The following AADAT variants were observed in gnomAD, a reference collection of about 807,000 sequenced individuals.
AADAT encodes the protein kynurenine/alpha-aminoadipate aminotransferase, mitochondrial.
Under a neutral mutation model 56.2 loss-of-function variants are expected in AADAT, and 25 were observed. The ratio of observed to expected loss-of-function variants is 0.44; its 90% CI spans 0.32 to 0.62. The LOEUF is 0.62. AADAT is among the 20% of genes least tolerant of loss of function. The pLI, the probability that AADAT is intolerant of heterozygous loss-of-function variation, is 0.04. For missense variants in AADAT, 387 were observed against 510.5 expected, an observed-to-expected ratio of 0.76 and a Z score of 2.33; for synonymous variants, 173 against 164.7, an observed-to-expected ratio of 1.05 and a Z score of -0.39.
At chr4:170,069,653 G>A (rs558994677) in intron 6 of AADAT, among the ~76,000 whole-genome samples, 1 of 152,216 alleles carries the variant, frequency 6.6e-6, no homozygotes, top group South Asian at 2.1e-4. Flanking sequence ...CCTTAGGACC[G>A]ACAGAAAGAA....
In AADAT at chr4:170,089,882, C is replaced by A; in HGVS notation, c.-192G>T. Reference sequence around the variant, plus strand: ...GCCGAAACTCCCCGGCTGGACGCTGCGTTCGGTCTCCCGGTCCTAAACGGG... The same window carrying A: ...GCCGAAACTCCCCGGCTGGACGCTGAGTTCGGTCTCCCGGTCCTAAACGGG... On this transcript the variant is annotated 5_prime_UTR_variant, in exon 1 of 13. Coordinates refer to ENST00000337664, the MANE Select transcript of AADAT (RefSeq NM_016228.4). 3.3e-6 allele frequency: 2 copies of A among 607,538 alleles called. No individual in the cohort carries two copies. Among genetic ancestry groups the A allele is most frequent in the Non-Finnish European group, 5.9e-6 (2 of 341,618 alleles). 37.6% of individuals were successfully genotyped at this position (607,538 alleles called of 1,614,324 possible). A position where few individuals can be genotyped will look rare whatever the true frequency, so the allele number is the denominator to read the frequency against.
chr4:170,064,491 T>C (rs1288573587), intron 11 of AADAT, among the ~76,000 whole-genome samples: 1 of 152,230 alleles, frequency 6.6e-6, no homozygotes, highest in African/African-American at 2.4e-5. Context: ...CGCTAATCAG[T>C]AGCTGAGATG....
chr4:170,067,279 A>G (rs777318338), intron 9 of AADAT, 48 bp downstream of exon 9: 1 of 1,411,524 alleles, frequency 7.1e-7, no homozygotes, highest in Admixed American at 1.7e-5. Context: ...TACTATGTTC[A>G]CTGGGCTCCT....
intron 4 of AADAT, among the ~76,000 whole-genome samples, chr4:170,076,909 G>C (rs1561019266): frequency 6.6e-6 from 1 of 152,126 alleles, no homozygotes; most frequent in Non-Finnish European, 1.5e-5. Flanking sequence ...AAGGGTCCAA[G>C]TTCTTTTATA....
Position 170,062,001 on chromosome 4 carries a change from A to G in AADAT, c.1135-8T>C, listed in dbSNP as rs1401248939. ...TCCAGGGAGCATTAATACCTAAGAG[A>G]GTTTGTGGAAGATAAGTAATGTACC... On this transcript the variant is annotated splice_region_variant and splice_polypyrimidine_tract_variant and intron_variant, in intron 11 of 12. Coordinates refer to ENST00000337664, the MANE Select transcript of AADAT (RefSeq NM_016228.4). 6.3e-6 allele frequency: 10 copies of G among 1,591,724 alleles called. No individual in the cohort carries two copies. The highest frequency in any genetic ancestry group is 8.6e-6 in the Non-Finnish European group (10 of 1,161,626).
At chr4:170,093,155 G>T (rs555171265), upstream of AADAT, among the ~76,000 whole-genome samples, 1 of 152,228 alleles carries the variant, frequency 6.6e-6, no homozygotes, top group South Asian at 2.1e-4. Flanking sequence ...TTGGCCAGGA[G>T]GTGTGGTTCA....
chr4:170,066,429 C>T lies in AADAT; in HGVS notation c.1012G>A (p.Asp338Asn). The T allele has an allele frequency of 6.2e-7, 1 of 1,613,858 alleles. No homozygotes were observed. Among genetic ancestry groups the T allele is most frequent in the Non-Finnish European group, 8.5e-7 (1 of 1,179,876 alleles). The stretch of plus-strand genomic sequence containing the variant: ...TTCCACTCACCAGTTAACCACTTGT[C>T]TGCAGCTGCCAGTATTGCATCCTTC... ...NQKDAILAAA[D>N]KWLTGLAEWH... The change falls in exon 10 of 13, where the codon GAC becomes AAC. Residue 338 changes from aspartate to asparagine, a missense_variant. Coordinates refer to ENST00000337664, the MANE Select transcript of AADAT (RefSeq NM_016228.4).
chr4:170,084,781 T>G (rs1258092473), intron 3 of AADAT, among the ~76,000 whole-genome samples: 3 of 152,220 alleles, frequency 2.0e-5, no homozygotes, highest in Non-Finnish European at 4.4e-5. Flanking sequence ...TCCGAAAAGT[T>G]TCTAATTGAC....
chr4:170,067,390 T>C lies in AADAT; in HGVS notation c.901-2A>G, dbSNP rs747347567. On this transcript the variant is annotated splice_acceptor_variant, in intron 8 of 12. Transcript: ENST00000337664. LOFTEE classifies it high-confidence loss of function. ...GTGTAGAAGCTGTGATATCATGAGC[T>C]AAAAGAGATAAAATCATAAATACCA... The C allele has an allele frequency of 6.2e-7, 1 of 1,611,970 alleles. No homozygotes were observed. Among genetic ancestry groups the C allele is most frequent in the Non-Finnish European group, 8.5e-7 (1 of 1,178,782 alleles).
At chr4:170,078,485 C>T (rs757572856) in intron 4 of AADAT, 24 bp downstream of exon 4, 175 of 1,474,758 alleles carry the variant, frequency 1.2e-4, no homozygotes, top group Non-Finnish European at 1.6e-4. Context: ...AAGAGAGTTG[C>T]CTTTAGTAAA....
At chr4:170,093,242 A>C (rs114817251), upstream of AADAT, among the ~76,000 whole-genome samples, 6,506 of 152,216 alleles carry the variant, frequency 0.043, 464 homozygotes, top group African/African-American at 0.15. Flanking sequence ...CAGCCTGACC[A>C]TCATGGCAAA....
chr4:170,078,569 G>T lies in AADAT; in HGVS notation c.384C>A (p.Ile128=), dbSNP rs1732150013. The stretch of plus-strand genomic sequence containing the variant: ...GGAGGACATTATCTCCAGGATTAAT[G>T]ATCATTTCAAACACCTAACAAAAGA... ...QQGLCKVFEM[I]INPGDNVLLD... is the part of the protein sequence containing the mutation. Residue 128 remains isoleucine (I), a synonymous_variant, in exon 4 of 13, where the codon ATC becomes ATA. Transcript: ENST00000337664. 3 of 1,605,980 alleles carry T rather than the reference G, an allele frequency of 1.9e-6. No homozygotes were observed. Among genetic ancestry groups the T allele is most frequent in the East Asian group, 4.5e-5 (2 of 44,474 alleles).
intron 3 of AADAT, among the ~76,000 whole-genome samples, chr4:170,082,444 G>A (rs570415647): frequency 1.3e-5 from 2 of 151,930 alleles, no homozygotes; most frequent in East Asian, 3.9e-4. Flanking sequence ...TAAAAATAAA[G>A]AGCAACAAAT....
At chr4:170,083,807 A>C (rs1451377784) in intron 3 of AADAT, among the ~76,000 whole-genome samples, 1 of 152,212 alleles carries the variant, frequency 6.6e-6, no homozygotes, top group African/African-American at 2.4e-5. Flanking sequence ...TGGTACAGCC[A>C]CTATGGAGAA....
At chr4:170,062,146 C>T (rs1007843755) in intron 11 of AADAT, among the ~76,000 whole-genome samples, 153 bp from the exon 12 acceptor site, 7 of 152,076 alleles carry the variant, frequency 4.6e-5, no homozygotes, top group Non-Finnish European at 7.4e-5. Context: ...ATAAAAATTG[C>T]GTATGTCATA....
At chr4:170,088,743 T>C (rs1732687638) in intron 1 of AADAT, among the ~76,000 whole-genome samples, 179 bp from the exon 2 acceptor site, 1 of 152,152 alleles carries the variant, frequency 6.6e-6, no homozygotes, top group South Asian at 2.1e-4. Flanking sequence ...ACTAATGTGA[T>C]AGTTTTAACA....
chr4:170,088,365 C>T (rs1732663852), intron 2 of AADAT, 31 bp downstream of exon 2: 3 of 1,532,768 alleles, frequency 2.0e-6, no homozygotes, highest in Non-Finnish European at 1.8e-6. Context: ...GAAAATAAGC[C>T]AATAAAATTA....
At chr4:170,069,114 G>T in intron 7 of AADAT, 34 bp downstream of exon 7, 1 of 1,571,066 alleles carries the variant, frequency 6.4e-7, no homozygotes, top group Non-Finnish European at 8.7e-7. Flanking sequence ...GGCTCTATTA[G>T]ATCTAGCGTC....
intron 3 of AADAT, among the ~76,000 whole-genome samples, chr4:170,082,786 T>C (rs1249479601): frequency 6.6e-6 from 1 of 151,716 alleles, no homozygotes; most frequent in Non-Finnish European, 1.5e-5. Flanking sequence ...TAGCTACACT[T>C]AGAAAAAATA....
Sources: allele counts gnomAD v4.1 joint callset (sites outside exome capture counted in the v4.1 genomes callset), GRCh38; gene constraint gnomAD v4.1.1; transcripts MANE v1.5; gene names NCBI Gene and HGNC (gene_info 2026-07-23, HGNC 2026-07-21).